Variants in MTFMT observed in about 807,000 individuals in gnomAD.
MTFMT encodes the protein mitochondrial methionyl-tRNA formyltransferase.
In MTFMT, 47 loss-of-function variants were observed where a neutral mutation model predicts 51.8. That is an observed-to-expected ratio of 0.91 (90% CI 0.72 to 1.16). The LOEUF is 1.16. Ranked by LOEUF, MTFMT falls within the 50% of genes most tolerant of loss-of-function variation. The pLI, the probability that MTFMT is intolerant of heterozygous loss-of-function variation, is 0.00. For missense variants in MTFMT, 512 were observed against 482.3 expected (o/e 1.06, Z -0.58); for synonymous variants, 196 against 176.7 (o/e 1.11, Z -0.87).
chr15:65,010,412 G>A (rs971429423), intron 6 of MTFMT, among the ~76,000 whole-genome samples: 1 of 151,944 alleles, frequency 6.6e-6, no homozygotes, highest in Non-Finnish European at 1.5e-5. Context: ...CTCTCCTCCA[G>A]CCTATGGATT....
At position 65,006,197 on chromosome 15, in the gene MTFMT, A is replaced by G. The variant is rs1289986581; in HGVS notation, c.814-6T>C. 2 of 1,609,236 alleles carry G rather than the reference A, an allele frequency of 1.2e-6. No homozygotes were observed. The highest frequency in any genetic ancestry group is 1.7e-6 in the Non-Finnish European group (2 of 1,176,900). Reference sequence around the variant, plus strand: ...CAGAGCGTCTGCAACGGAATCTGCAAGTAAAATTAAAGAAGGTATGATAAA... The same window carrying G: ...CAGAGCGTCTGCAACGGAATCTGCAGGTAAAATTAAAGAAGGTATGATAAA... On this transcript the variant is annotated splice_polypyrimidine_tract_variant and splice_region_variant and intron_variant, in intron 6 of 8. Transcript: ENST00000220058.
Position 65,023,828 on chromosome 15 carries a change from TG to T in MTFMT, c.420-35del, listed in dbSNP as rs751057447. 4.4e-6 allele frequency: 7 copies of T among 1,587,050 alleles called. No individual in the cohort carries two copies. The South Asian group carries it at 8.0e-5, about 18-fold the overall frequency. Reference sequence around the variant, plus strand: ...GAAAATGTAGAAATTAGTATGTCAGTGGGCTTTACCACTTCGTTACCACTAC... The same window carrying T: ...GAAAATGTAGAAATTAGTATGTCAGTGGCTTTACCACTTCGTTACCACTAC... On this transcript the variant is annotated intron_variant, in intron 2 of 8. Transcript: ENST00000220058.
chr15:65,024,073 T>A (rs985931955), intron 2 of MTFMT, among the ~76,000 whole-genome samples: 1 of 152,218 alleles, frequency 6.6e-6, no homozygotes, highest in African/African-American at 2.4e-5. Flanking sequence ...ATGCCTGTAA[T>A]CCCAGCACTT....
chr15:65,025,879 G>A (rs2086419067), intron 2 of MTFMT, among the ~76,000 whole-genome samples: 1 of 151,984 alleles, frequency 6.6e-6, no homozygotes, highest in Admixed American at 6.6e-5. Context: ...GCCTATAGAG[G>A]GTGATAAGGA....
At position 65,014,322 on chromosome 15, in the gene MTFMT, A is replaced by ATTT. The variant is rs35599676; in HGVS notation, c.813+2111_813+2113dup. 1.4e-4 allele frequency among the ~76,000 whole-genome samples: 17 copies of ATTT among 123,086 alleles called. 1 individual carries two copies. Among genetic ancestry groups the ATTT allele is most frequent in the East Asian group, 2.4e-4 (1 of 4,234 alleles). 80.7% of individuals were successfully genotyped at this position (123,086 alleles called of 152,430 possible). A position where few individuals can be genotyped will look rare whatever the true frequency, so the allele number is the denominator to read the frequency against. On this transcript the variant is annotated intron_variant, in intron 6 of 8. Coordinates refer to ENST00000220058, the MANE Select transcript of MTFMT (RefSeq NM_139242.4). ...ATCAAGGAATTTATCACACTATTTGATTTTTTTTTTTTTTTTTTTGAGATG... is the reference window on the plus strand; with the variant it reads ...ATCAAGGAATTTATCACACTATTTGATTTTTTTTTTTTTTTTTTTTTTGAGATG...
At chr15:65,007,882 G>C (rs1291690857) in intron 6 of MTFMT, among the ~76,000 whole-genome samples, 1 of 151,948 alleles carries the variant, frequency 6.6e-6, no homozygotes, top group African/African-American at 2.4e-5. Context: ...TCAGTTTGTT[G>C]ACTTTTAATC....
chr15:65,023,533 G>T, intron 3 of MTFMT, 139 bp downstream of exon 3: 1 of 701,730 alleles, frequency 1.4e-6, no homozygotes, highest in Non-Finnish European at 2.3e-6. Context: ...GGAGAAAACA[G>T]AAAGGATATA....
chr15:65,029,586 C>T lies in MTFMT; in HGVS notation c.28G>A (p.Gly10Ser), dbSNP rs1231060108. 3.4e-6 allele frequency: 5 copies of T among 1,476,696 alleles called. No homozygotes were observed. Among genetic ancestry groups the T allele is most frequent in the Admixed American group, 2.3e-5 (1 of 43,502 alleles). 91.5% of individuals were successfully genotyped at this position (1,476,696 alleles called of 1,614,324 possible). A position where few individuals can be genotyped will look rare whatever the true frequency, so the allele number is the denominator to read the frequency against. MRVLVRRCW[G>S]PPLAHGARRG... ...CTGGCGCCATGAGCCAGCGGAGGACCCCAACAGCGCCGCACCAACACCCTC... is the reference window on the plus strand; with the variant it reads ...CTGGCGCCATGAGCCAGCGGAGGACTCCAACAGCGCCGCACCAACACCCTC... The change falls in exon 1 of 9, where the codon GGT becomes AGT. Residue 10 changes from glycine to serine, a missense_variant. Physicochemically the swap from Gly to Ser is moderately conservative, Grantham distance 56. Coordinates refer to ENST00000220058, the MANE Select transcript of MTFMT (RefSeq NM_139242.4).
At chr15:65,011,398 G>A (rs188998911) in intron 6 of MTFMT, among the ~76,000 whole-genome samples, 24 of 151,178 alleles carry the variant, frequency 1.6e-4, no homozygotes, top group African/African-American at 5.8e-4. Context: ...TTTTACTGCT[G>A]AGTCATTGTA....
rs771130283 is a variant in MTFMT at position 65,016,512 on chromosome 15, G to A, written c.737C>T (p.Ala246Val). 1 of 1,611,222 alleles carries A rather than the reference G, an allele frequency of 6.2e-7. No homozygotes were observed. Among genetic ancestry groups the A allele is most frequent in the Non-Finnish European group, 8.5e-7 (1 of 1,177,886 alleles). The change falls in exon 6 of 9, where the codon GCT (alanine) becomes GTT (valine). Residue 246 changes from alanine (A) to valine (V), a missense_variant. Coordinates refer to ENST00000220058, the MANE Select transcript of MTFMT (RefSeq NM_139242.4). ...CTCCCATTTTATACAACTGGTACCA[G>A]CAGAAATCTTAGGGGCTACAAGATA... is the stretch of plus-strand genomic sequence containing the variant. ...EGATYAPKIS[A>V]GTSCIKWEEQ... is the part of the protein sequence containing the mutation.
chr15:65,009,083 T>C (rs2086241593), intron 6 of MTFMT, among the ~76,000 whole-genome samples: 2 of 152,274 alleles, frequency 1.3e-5, no homozygotes, highest in East Asian at 1.9e-4. Context: ...GTTGTGTACA[T>C]GGTCATTAAT....
intron 1 of MTFMT, among the ~76,000 whole-genome samples, chr15:65,027,614 T>C (rs1268660270): frequency 6.6e-6 from 1 of 152,234 alleles, no homozygotes; most frequent in Non-Finnish European, 1.5e-5. Flanking sequence ...CAGAAACATA[T>C]ACAGTATGGA....
intron 6 of MTFMT, among the ~76,000 whole-genome samples, chr15:65,012,346 T>C (rs1203557825): frequency 6.6e-6 from 1 of 151,782 alleles, no homozygotes; most frequent in Non-Finnish European, 1.5e-5. Flanking sequence ...TTTTGGGAAC[T>C]ACCTTTAGAA....
intron 6 of MTFMT, among the ~76,000 whole-genome samples, chr15:65,012,481 C>T (rs377494768): frequency 2.6e-5 from 4 of 152,078 alleles, no homozygotes; most frequent in Non-Finnish European, 4.4e-5. Context: ...CTGCAACCTC[C>T]ACCTCCCAGG....
Position 65,003,845 on chromosome 15 carries a change from C to CAAAAAAAA in MTFMT, c.976-597_976-590dup, listed in dbSNP as rs768884218. ...CACTCCAGCCTGGGCAACTCCATCT[C>CAAAAAAAA]AAAAAAAAAAAAAAAAAAAAAGGGA... On this transcript the variant is annotated intron_variant, in intron 8 of 8. Transcript: ENST00000220058. 7.4e-5 allele frequency among the ~76,000 whole-genome samples: 3 copies of CAAAAAAAA among 40,644 alleles called. 1 individual carries two copies. Among genetic ancestry groups the CAAAAAAAA allele is most frequent in the Non-Finnish European group, 1.3e-4 (3 of 22,410 alleles). 26.7% of individuals were successfully genotyped at this position (40,644 alleles called of 152,430 possible).
intron 6 of MTFMT, among the ~76,000 whole-genome samples, chr15:65,006,445 T>C (rs1017335313): frequency 5.9e-5 from 9 of 151,910 alleles, no homozygotes; most frequent in East Asian, 1.9e-4. Context: ...GGCGCGATCT[T>C]GGCTCACTGC....
chr15:65,016,515 G>C lies in MTFMT; in HGVS notation c.734C>G (p.Ser245Cys). 1 of 1,610,768 alleles carries C rather than the reference G, an allele frequency of 6.2e-7. No individual in the cohort carries two copies. The highest frequency in any genetic ancestry group is 8.5e-7 in the Non-Finnish European group (1 of 1,177,466). Reference protein sequence around the residue: ...MEGATYAPKISAGTSCIKWEE... With the variant: ...MEGATYAPKICAGTSCIKWEE... ...CCATTTTATACAACTGGTACCAGCA[G>C]AAATCTTAGGGGCTACAAGATAAAA... Residue 245 changes from serine to cysteine, a missense_variant, in exon 6 of 9, where the codon TCT becomes TGT. Ser to Cys is a moderately radical substitution (Grantham distance 112). Transcript: ENST00000220058.
chr15:65,003,259 A>G lies in MTFMT; in HGVS notation c.976-3T>C. 6.2e-7 allele frequency: 1 copy of G among 1,611,318 alleles called. No homozygotes were observed. On this transcript the variant is annotated splice_region_variant and splice_polypyrimidine_tract_variant and intron_variant, in intron 8 of 8. Coordinates refer to ENST00000220058, the MANE Select transcript of MTFMT (RefSeq NM_139242.4). ...GATCGAACACCAATCCAACCATCCT[A>G]AAGGGCAAAATACAAATAGTGAATA...
rs1171467597 is a variant in MTFMT, at chr15:65,002,617, T to TA, written c.*444_*445insT. ...AAAAAGTGGAAAGTGAGGCAATCCA[T>TA]CTTTTCGGCAATAATCTTCTCTTCT... is the stretch of plus-strand genomic sequence containing the variant. On this transcript the variant is annotated 3_prime_UTR_variant, in exon 9 of 9. Coordinates refer to ENST00000220058, the MANE Select transcript of MTFMT (RefSeq NM_139242.4). 1.3e-5 allele frequency: 2 copies of TA among 152,078 alleles called. No individual in the cohort carries two copies. The highest frequency in any genetic ancestry group is 4.8e-5 in the African/African-American group (2 of 41,396). 9.4% of individuals were successfully genotyped at this position (152,078 alleles called of 1,614,324 possible). A position where few individuals can be genotyped will look rare whatever the true frequency, so the allele number is the denominator to read the frequency against.
Sources: gnomAD v4.1 joint callset for allele counts (sites outside exome capture counted in the v4.1 genomes callset) on GRCh38, gnomAD v4.1.1 for gene constraint, MANE v1.5 for transcripts, NCBI Gene and HGNC (gene_info 2026-07-23, HGNC 2026-07-21) for gene names.